TRABD2B: variants seen among roughly 807,000 people sequenced by gnomAD.
TRABD2B encodes metalloprotease TIKI2.
Under a neutral mutation model 40.1 loss-of-function variants are expected in TRABD2B, and 14 were observed. That is an observed-to-expected ratio of 0.35 (90% CI 0.23 to 0.55). The LOEUF (loss-of-function observed/expected upper bound fraction) is 0.55, where lower values mean the gene tolerates loss of function less well. Among genes scored for constraint, TRABD2B ranks in the 20% least tolerant of loss-of-function variants. The pLI, the probability that TRABD2B is intolerant of heterozygous loss-of-function variation, is 0.90. For synonymous variants in TRABD2B, 263 were observed against 277.0 expected (o/e 0.95, Z 0.50); for missense variants, 541 against 648.6 (o/e 0.83, Z 1.80).
At chr1:47,940,539 T>C (rs1645172076) in intron 2 of TRABD2B, among the ~76,000 whole-genome samples, 1 of 152,208 alleles carries the variant, frequency 6.6e-6, no homozygotes, top group Non-Finnish European at 1.5e-5. Flanking sequence ...GCCTGCTGTG[T>C]CACTACTGCT....
intron 2 of TRABD2B, among the ~76,000 whole-genome samples, chr1:47,866,595 G>C (rs1422430164): frequency 6.6e-6 from 1 of 152,124 alleles, no homozygotes; most frequent in East Asian, 1.9e-4. Context: ...ACTATCACCA[G>C]CACAAACTTC....
chr1:47,886,238 G>C (rs1644368717), intron 2 of TRABD2B, among the ~76,000 whole-genome samples: 1 of 152,118 alleles, frequency 6.6e-6, no homozygotes, highest in Admixed American at 6.5e-5. Context: ...GACCAACCCA[G>C]TCCCCAGGGA....
At chr1:47,919,835 G>C (rs972038967) in intron 2 of TRABD2B, among the ~76,000 whole-genome samples, 1 of 152,218 alleles carries the variant, frequency 6.6e-6, no homozygotes, top group Non-Finnish European at 1.5e-5. Flanking sequence ...ATATGGTAGG[G>C]CTTCCTGGAG....
chr1:47,802,298 A>G (rs1175818139), intron 2 of TRABD2B, among the ~76,000 whole-genome samples: 1 of 152,116 alleles, frequency 6.6e-6, no homozygotes, highest in East Asian at 1.9e-4. Flanking sequence ...GAGGCTCTGT[A>G]TTTTTAACAG....
rs542560831 is a variant in TRABD2B, at chr1:47,836,949, T to G, written c.667-35330A>C. Among the ~76,000 whole-genome samples the G allele has an allele frequency of 7.2e-4, 110 of 152,368 alleles. 1 individual carries two copies. The highest frequency in any genetic ancestry group is 2.5e-3 in the African/African-American group (103 of 41,588). On this transcript the variant is annotated intron_variant, in intron 2 of 6. Transcript: ENST00000606738. ...TCTGTTGTTTATAAGCCACCCAGTCTATGGCATTTAGGTCCAATAGCCCAA... is the reference window on the plus strand; with the variant it reads ...TCTGTTGTTTATAAGCCACCCAGTCGATGGCATTTAGGTCCAATAGCCCAA...
At chr1:47,984,884 C>G (rs1319048927) in intron 2 of TRABD2B, among the ~76,000 whole-genome samples, 2 of 152,172 alleles carry the variant, frequency 1.3e-5, no homozygotes, top group South Asian at 2.1e-4. Context: ...AAGGAAGCAC[C>G]TGGGCAACAG....
chr1:47,767,516 C>T (rs1157002587), intron 6 of TRABD2B, among the ~76,000 whole-genome samples: 1 of 152,216 alleles, frequency 6.6e-6, no homozygotes, highest in Non-Finnish European at 1.5e-5. Flanking sequence ...CTCATGACAA[C>T]ACTGGGAGGC....
intron 2 of TRABD2B, among the ~76,000 whole-genome samples, chr1:47,900,274 G>A (rs530902799): frequency 7.2e-5 from 11 of 152,052 alleles, no homozygotes; most frequent in Admixed American, 1.3e-4. Flanking sequence ...CTCTCTCCCC[G>A]TTTGGGTTTA....
At chr1:47,939,590 C>A (rs553920421) in intron 2 of TRABD2B, among the ~76,000 whole-genome samples, 2 of 152,114 alleles carry the variant, frequency 1.3e-5, no homozygotes, top group Non-Finnish European at 2.9e-5. Flanking sequence ...AGAAAAATTA[C>A]GGGAGCTTGA....
intron 2 of TRABD2B, among the ~76,000 whole-genome samples, chr1:47,871,154 G>A (rs1265669940): frequency 6.6e-6 from 1 of 152,082 alleles, no homozygotes; most frequent in Non-Finnish European, 1.5e-5. Flanking sequence ...TTACAGTTAA[G>A]GAAACTGAGG....
chr1:47,794,535 G>T (rs1034250216), intron 4 of TRABD2B, 51 bp downstream of exon 4: 1 of 1,469,458 alleles, frequency 6.8e-7, no homozygotes, highest in Non-Finnish European at 9.0e-7. Flanking sequence ...GGAGAGCCAA[G>T]CAAATCTCCC....
chr1:47,803,367 G>T (rs192921980), intron 2 of TRABD2B, among the ~76,000 whole-genome samples: 4 of 152,170 alleles, frequency 2.6e-5, no homozygotes, highest in Non-Finnish European at 5.9e-5. Context: ...AAGTAGTTAC[G>T]TGCTGCTGAT....
chr1:47,856,823 T>A (rs1643896755), intron 2 of TRABD2B, among the ~76,000 whole-genome samples: 2 of 152,224 alleles, frequency 1.3e-5, no homozygotes, highest in Non-Finnish European at 2.9e-5. Flanking sequence ...TTTATCTTGA[T>A]AAATGATGAG....
rs1036296607 is a variant in TRABD2B, at chr1:47,760,829, C to T, written c.*5073G>A. Reference sequence around the variant, plus strand: ...TAGAGCCTCCTTTGGCTGAATCAGCCCCTGCCCACCCCAGCCACTGGGGAC... The same window carrying T: ...TAGAGCCTCCTTTGGCTGAATCAGCTCCTGCCCACCCCAGCCACTGGGGAC... On this transcript the variant is annotated 3_prime_UTR_variant, in exon 7 of 7. Coordinates refer to ENST00000606738, the MANE Select transcript of TRABD2B (RefSeq NM_001194986.2). 5 of 152,216 alleles carry T rather than the reference C, an allele frequency of 3.3e-5. No individual in the cohort carries two copies. Among genetic ancestry groups the T allele is most frequent in the African/African-American group, 1.2e-4 (5 of 41,456 alleles). The allele number at this position is 152,216 out of a possible 1,614,324, so 9.4% of individuals were successfully genotyped here.
chr1:47,956,180 C>G (rs1041116577), intron 2 of TRABD2B, among the ~76,000 whole-genome samples: 1 of 152,144 alleles, frequency 6.6e-6, no homozygotes, highest in African/African-American at 2.4e-5. Flanking sequence ...TAGAAACCCA[C>G]CCACCACATA....
intron 2 of TRABD2B, among the ~76,000 whole-genome samples, chr1:47,893,320 G>A (rs1220479028): frequency 6.6e-6 from 1 of 152,158 alleles, no homozygotes; most frequent in Non-Finnish European, 1.5e-5. Flanking sequence ...ATGGGACAGA[G>A]TGCATTCACA....
chr1:47,896,570 GAGAGTGGGCAC>G (rs1448040571), intron 2 of TRABD2B, among the ~76,000 whole-genome samples: 1 of 152,198 alleles, frequency 6.6e-6, no homozygotes, highest in Non-Finnish European at 1.5e-5. Context: ...ATGTTGTAGC[GAGAGTGGGCAC>G]AGAAGCCCAG....
chr1:47,846,144 G>T (rs1434983339), intron 2 of TRABD2B, among the ~76,000 whole-genome samples: 2 of 152,216 alleles, frequency 1.3e-5, no homozygotes, highest in Non-Finnish European at 1.5e-5. Context: ...GTTAAAAAAA[G>T]AAAAGAACCA....
chr1:47,814,264 G>C (rs943290502), intron 2 of TRABD2B, among the ~76,000 whole-genome samples: 2 of 152,248 alleles, frequency 1.3e-5, no homozygotes, highest in Non-Finnish European at 2.9e-5. Flanking sequence ...CCAGAGCAGG[G>C]AGTCGAGGTG....
Sources: gnomAD v4.1 joint callset for allele counts (sites outside exome capture counted in the v4.1 genomes callset) on GRCh38, gnomAD v4.1.1 for gene constraint, MANE v1.5 for transcripts, NCBI Gene and HGNC (gene_info 2026-07-23, HGNC 2026-07-21) for gene names.